MTO1: variants seen among roughly 807,000 people sequenced by gnomAD.
MTO1 encodes the protein 5-taurinomethyluridine-[tRNA] synthase subunit MTO1, mitochondrial.
In MTO1, 46 loss-of-function variants were observed where a neutral mutation model predicts 71.6. That is an observed-to-expected ratio of 0.64 (90% confidence interval 0.51 to 0.82). MTO1 has a LOEUF of 0.82. Ranked by LOEUF, MTO1 falls within the 40% of genes least tolerant of loss-of-function variation. MTO1 has a pLI of 0.00. For missense variants in MTO1, 773 were observed against 867.5 expected, an observed-to-expected ratio of 0.89 and a Z score of 1.37; for synonymous variants, 297 against 312.1, an observed-to-expected ratio of 0.95 and a Z score of 0.51.
chr6:73,480,533 G>T, intron 6 of MTO1, 142 bp from the exon 7 acceptor site: 1 of 1,067,578 alleles, frequency 9.4e-7, no homozygotes, highest in Non-Finnish European at 1.4e-6. Context: ...GCCCCCCAAA[G>T]TGCTGAGATT....
At chr6:73,482,318 C>G in intron 8 of MTO1, 74 bp downstream of exon 8, 1 of 1,573,134 alleles carries the variant, frequency 6.4e-7, no homozygotes, top group Non-Finnish European at 8.7e-7. Context: ...ATTTGAGAGA[C>G]CAAGGCAAGA....
In MTO1 at chr6:73,497,786, C is replaced by G. The variant is rs772316582; in HGVS notation, c.1807C>G (p.Gln603Glu). The G allele has an allele frequency of 1.2e-6, 2 of 1,613,926 alleles. No individual in the cohort carries two copies. The highest frequency in any genetic ancestry group is 4.5e-5 in the East Asian group (2 of 44,872). ...FHQLQEIKGV[Q>E]QDEALQLPKD... ...TCAACTACAAGAAATAAAGGGAGTT[C>G]AGCAAGATGAAGCTCTCCAACTGCC... The change falls in exon 11 of 12, where the codon CAG becomes GAG. Residue 603 changes from glutamine (Q) to glutamate (E), a missense_variant. Coordinates refer to ENST00000498286, the MANE Select transcript of MTO1 (RefSeq NM_012123.4).
At chr6:73,470,261 C>T (rs769728117) in intron 3 of MTO1, among the ~76,000 whole-genome samples, 2 of 151,972 alleles carry the variant, frequency 1.3e-5, no homozygotes, top group East Asian at 1.9e-4. Flanking sequence ...GGCTGGAGTG[C>T]AATGGCGTGA....
At chr6:73,472,300 T>C (rs1442501612) in intron 3 of MTO1, among the ~76,000 whole-genome samples, 1 of 152,216 alleles carries the variant, frequency 6.6e-6, no homozygotes, top group African/African-American at 2.4e-5. Context: ...CTTGTCCTTT[T>C]GGTTTTATAC....
At chr6:73,479,698 C>A (rs767773922) in intron 4 of MTO1, 34 bp from the exon 5 acceptor site, 18 of 1,514,166 alleles carry the variant, frequency 1.2e-5, no homozygotes, top group Non-Finnish European at 1.6e-5. Context: ...AGTAGATAAG[C>A]AAATCAGTAT....
intron 4 of MTO1, among the ~76,000 whole-genome samples, chr6:73,474,567 G>T (rs1421918015): frequency 2.6e-5 from 4 of 151,930 alleles, no homozygotes; most frequent in Admixed American, 6.6e-5. Context: ...TCCCACCTCA[G>T]CCTCCCTAGT....
chr6:73,482,663 A>G (rs1771539833), intron 9 of MTO1, 43 bp downstream of exon 9: 1 of 1,493,092 alleles, frequency 6.7e-7, no homozygotes, highest in African/African-American at 1.4e-5. Context: ...TTTATAGAAA[A>G]ATAAGATCAT....
chr6:73,491,146 G>C (rs1416268510), intron 9 of MTO1, among the ~76,000 whole-genome samples: 3 of 152,072 alleles, frequency 2.0e-5, no homozygotes, highest in Non-Finnish European at 4.4e-5. Context: ...CCAAGGAAAG[G>C]TAAGGCATTG....
At position 73,473,442 on chromosome 6, in the gene MTO1, T is replaced by C. The variant is rs1464415140; in HGVS notation, c.613T>C (p.Leu205=). 2 of 1,614,176 alleles carry C rather than the reference T, an allele frequency of 1.2e-6. No homozygotes were observed. The highest frequency in any genetic ancestry group is 1.7e-6 in the Non-Finnish European group (2 of 1,180,040). ...TFLRGMIVIG[L]ETHPAGRLGD... ...TCTGAGAGGCATGATTGTAATTGGA[T>C]TGGAGACGCATCCAGCAGGACGTTT... Residue 205 remains leucine, a synonymous_variant, in exon 4 of 12, where the codon TTG becomes CTG. Transcript: ENST00000498286.
At position 73,462,082 on chromosome 6, in the gene MTO1, C is replaced by A. The variant is rs750377971; in HGVS notation, c.217+11C>A. 2.5e-6 allele frequency: 4 copies of A among 1,611,022 alleles called. No homozygotes were observed. Among genetic ancestry groups the A allele is most frequent in the Non-Finnish European group, 3.4e-6 (4 of 1,178,250 alleles). On this transcript the variant is annotated intron_variant, in intron 1 of 11. Transcript: ENST00000498286. ...GCGTGGACACGATCGGTGAGGAGCG[C>A]GGGTGCTGTGGAACTTGGCGTAGGA...
chr6:73,494,582 T>C (rs892421056), intron 10 of MTO1, among the ~76,000 whole-genome samples: 2 of 151,374 alleles, frequency 1.3e-5, no homozygotes, highest in Non-Finnish European at 2.9e-5. Flanking sequence ...GTTCAAACAA[T>C]TCTCCTGCCT....
chr6:73,500,983 A>G lies in MTO1; in HGVS notation c.*248A>G, dbSNP rs1772145236. The G allele has an allele frequency of 3.5e-6, 1 of 287,656 alleles. No homozygotes were observed. The highest frequency in any genetic ancestry group is 2.2e-5 in the African/African-American group (1 of 46,212). 17.8% of individuals were successfully genotyped at this position (287,656 alleles called of 1,614,324 possible). On this transcript the variant is annotated 3_prime_UTR_variant, in exon 12 of 12. Transcript: ENST00000498286. ...AAATAACTTTGTGCAGTGTTCATCAAAGAGAGAGACAGTGAACCTAAAACT... is the reference window on the plus strand; with the variant it reads ...AAATAACTTTGTGCAGTGTTCATCAGAGAGAGAGACAGTGAACCTAAAACT...
intron 3 of MTO1, among the ~76,000 whole-genome samples, chr6:73,472,291 T>G (rs1055490154): frequency 7.9e-5 from 12 of 152,220 alleles, no homozygotes; most frequent in African/African-American, 2.7e-4. Flanking sequence ...TTTTCATTAC[T>G]TGTCCTTTTG....
rs1488722599 is a variant in MTO1 at position 73,508,265 on chromosome 6, TGCTAG to T, written c.*7535_*7539del. 2 of 152,204 alleles carry T rather than the reference TGCTAG, an allele frequency of 1.3e-5. No homozygotes were observed. Among genetic ancestry groups the T allele is most frequent in the African/African-American group, 4.8e-5 (2 of 41,470 alleles). 9.4% of individuals were successfully genotyped at this position (152,204 alleles called of 1,614,324 possible). ...AAGACAATAATAATTTCTTAGAATT[TGCTAG>T]GCTAAACAACTATTTTTTAGTCCAG... On this transcript the variant is annotated 3_prime_UTR_variant, in exon 12 of 12. Transcript: ENST00000498286.
intron 9 of MTO1, among the ~76,000 whole-genome samples, chr6:73,483,940 G>A (rs376022938): frequency 2.0e-5 from 3 of 151,724 alleles, no homozygotes; most frequent in Admixed American, 6.6e-5. Flanking sequence ...CACCACACCC[G>A]GCTAATTTTT....
At chr6:73,465,543 G>A (rs1770962521) in intron 1 of MTO1, among the ~76,000 whole-genome samples, 1 of 151,874 alleles carries the variant, frequency 6.6e-6, no homozygotes. Context: ...GCTTGATTTG[G>A]TAGATTCCTC....
chr6:73,486,653 G>A (rs771818735), intron 9 of MTO1: 23 of 420,742 alleles, frequency 5.5e-5, no homozygotes, highest in South Asian at 1.2e-4. Context: ...CAGGAGAATC[G>A]TTTGAACCTG....
intron 9 of MTO1, chr6:73,486,540 C>T (rs1398310334): frequency 9.8e-6 from 4 of 409,668 alleles, no homozygotes; most frequent in Non-Finnish European, 2.0e-5. Flanking sequence ...GAGTTCGAAA[C>T]CAGCCTGGCC....
intron 1 of MTO1, 43 bp downstream of exon 1, chr6:73,462,114 C>T (rs546151652): frequency 6.9e-5 from 110 of 1,592,452 alleles, no homozygotes; most frequent in South Asian, 1.1e-4. Flanking sequence ...AGGACGCAGG[C>T]TGCTTCCTTC....
Sources: allele counts gnomAD v4.1 joint callset (sites outside exome capture counted in the v4.1 genomes callset), GRCh38; gene constraint gnomAD v4.1.1; transcripts MANE v1.5; gene names NCBI Gene and HGNC (gene_info 2026-07-23, HGNC 2026-07-21).